APBB2: variants seen among roughly 807,000 people sequenced by gnomAD.
APBB2 encodes amyloid beta precursor protein binding family B member 2.
In APBB2, 38 loss-of-function variants were observed where a neutral mutation model predicts 82.5. The observed-to-expected ratio is 0.46, with a 90% confidence interval of 0.36 to 0.60. The LOEUF is 0.60. Among genes scored for constraint, APBB2 ranks in the 20% least tolerant of loss-of-function variants. The pLI, the probability that APBB2 is intolerant of heterozygous loss-of-function variation, is 0.00. For missense variants in APBB2, 772 were observed against 972.3 expected (o/e 0.79, Z 2.74); for synonymous variants, 341 against 368.2 (o/e 0.93, Z 0.85).
rs568453970 is a variant in APBB2, at chr4:41,042,098, C to G, written c.-50-8794G>C. Among the ~76,000 whole-genome samples, 11 of 152,266 alleles carry G rather than the reference C, an allele frequency of 7.2e-5. No individual in the cohort carries two copies. In the East Asian group the frequency reaches 2.1e-3, roughly 29 times the overall value. ...CTCCGCCTCCTGCATTCAACCGATT[C>G]TCCTGCCTCAGCCTCCTGAGTAGCT... On this transcript the variant is annotated intron_variant, in intron 4 of 17. Coordinates refer to ENST00000508593, the MANE Select transcript of APBB2 (RefSeq NM_004307.2).
intron 4 of APBB2, among the ~76,000 whole-genome samples, chr4:41,057,398 C>T (rs894917391): frequency 6.6e-6 from 1 of 152,188 alleles, no homozygotes; most frequent in Admixed American, 6.5e-5. Context: ...TTACAGTGAG[C>T]CGAGATAGCG....
intron 6 of APBB2, among the ~76,000 whole-genome samples, chr4:40,986,384 A>G (rs565575101): frequency 1.8e-4 from 28 of 152,352 alleles, no homozygotes; most frequent in African/African-American, 6.5e-4. Context: ...CATGACTCCA[A>G]AACAGCTTCC....
chr4:41,130,220 GA>G (rs928901839), intron 2 of APBB2, among the ~76,000 whole-genome samples: 18 of 152,130 alleles, frequency 1.2e-4, no homozygotes, highest in Non-Finnish European at 2.5e-4. Context: ...GAACGAGAAG[GA>G]AAATTTCTAG....
intron 1 of APBB2, among the ~76,000 whole-genome samples, chr4:41,190,423 T>A (rs1174684974): frequency 6.6e-6 from 1 of 151,908 alleles, no homozygotes; most frequent in Non-Finnish European, 1.5e-5. Context: ...CTAATTTTTA[T>A]ATTTTTAGTA....
chr4:41,146,504 GAAAT>G (rs1460206276), intron 1 of APBB2, among the ~76,000 whole-genome samples: 1 of 152,000 alleles, frequency 6.6e-6, no homozygotes, highest in Non-Finnish European at 1.5e-5. Context: ...AGAAAAAAAA[GAAAT>G]AAAGAAAACA....
chr4:40,850,125 C>T (rs1421153575), intron 12 of APBB2, among the ~76,000 whole-genome samples: 2 of 152,144 alleles, frequency 1.3e-5, no homozygotes, highest in South Asian at 2.1e-4. Context: ...AAAACCACAA[C>T]GCCACTGCTG....
chr4:41,068,538 A>C (rs2153897382), intron 3 of APBB2, among the ~76,000 whole-genome samples: 1 of 152,308 alleles, frequency 6.6e-6, no homozygotes, highest in South Asian at 2.1e-4. Context: ...GTTTCTGGCA[A>C]GCAATCCCCC....
At chr4:40,873,332 TA>T (rs968782556) in intron 12 of APBB2, among the ~76,000 whole-genome samples, 3 of 152,226 alleles carry the variant, frequency 2.0e-5, no homozygotes, top group African/African-American at 7.2e-5. Flanking sequence ...ATCTTTTATT[TA>T]AAAAAAATTT....
chr4:40,961,225 T>C (rs1164637095), intron 6 of APBB2, among the ~76,000 whole-genome samples: 1 of 152,108 alleles, frequency 6.6e-6, no homozygotes, highest in Non-Finnish European at 1.5e-5. Flanking sequence ...TCATCCTATT[T>C]CATTCATCTC....
At chr4:40,998,978 T>C (rs1482285147) in intron 6 of APBB2, among the ~76,000 whole-genome samples, 1 of 152,102 alleles carries the variant, frequency 6.6e-6, no homozygotes, top group Non-Finnish European at 1.5e-5. Flanking sequence ...AGCTTAAAAC[T>C]TATAGTTTAT....
At chr4:40,829,985 C>T (rs1751319498) in intron 13 of APBB2, among the ~76,000 whole-genome samples, 1 of 152,226 alleles carries the variant, frequency 6.6e-6, no homozygotes, top group African/African-American at 2.4e-5. Flanking sequence ...CCCACATTCA[C>T]TCTCAGGTCA....
chr4:41,122,436 T>G (rs966395486), intron 2 of APBB2, among the ~76,000 whole-genome samples: 2 of 152,142 alleles, frequency 1.3e-5, no homozygotes, highest in African/African-American at 4.8e-5. Context: ...ACTAGCAGAT[T>G]AATTGTCCTG....
rs375561674 is a variant in APBB2 at position 41,013,620 on chromosome 4, G to C, written c.798C>G (p.Ser266=). The C allele has an allele frequency of 3.7e-5, 60 of 1,614,074 alleles. No individual in the cohort carries two copies. In the African/African-American group the frequency reaches 6.5e-4, roughly 18 times the overall value. Reference sequence around the variant, plus strand: ...GGGAGCTGGGTGAGGCACTGTCTTGGGACAACGTTGTCCAGCTGGACTCCT... The same window carrying C: ...GGGAGCTGGGTGAGGCACTGTCTTGCGACAACGTTGTCCAGCTGGACTCCT... The part of the protein sequence containing the change: ...SDEESSWTTL[S]QDSASPSSPD... Residue 266 remains serine (S), a synonymous_variant, in exon 6 of 18, where the codon TCC becomes TCG. Transcript: ENST00000508593.
chr4:41,026,830 T>TA (rs1407804799), intron 5 of APBB2, among the ~76,000 whole-genome samples: 1 of 152,232 alleles, frequency 6.6e-6, no homozygotes, highest in Non-Finnish European at 1.5e-5. Context: ...CCAATAGTCC[T>TA]ACAGATAGCT....
intron 6 of APBB2, among the ~76,000 whole-genome samples, chr4:40,989,465 T>C (rs1187136627): frequency 6.6e-6 from 1 of 152,210 alleles, no homozygotes; most frequent in Non-Finnish European, 1.5e-5. Flanking sequence ...AATGTGCAGA[T>C]GAGCTTAGAG....
rs143116709 is a variant in APBB2 at position 41,191,424 on chromosome 4, T to TC, written c.-417+22980dup. 4.2e-3 allele frequency among the ~76,000 whole-genome samples: 636 copies of TC among 152,250 alleles called. 2 individuals are homozygous for TC. The highest frequency in any genetic ancestry group is 0.014 in the African/African-American group (566 of 41,526). ...CTACGCATTCATTTATTTTTATTTC[T>TC]CCCCCAACCCTCCTTTAAAAATCCA... On this transcript the variant is annotated intron_variant, in intron 1 of 17. Transcript: ENST00000508593.
chr4:40,819,279 A>G (rs990558196), intron 17 of APBB2, among the ~76,000 whole-genome samples: 23 of 147,608 alleles, frequency 1.6e-4, no homozygotes, highest in Non-Finnish European at 3.0e-4. Flanking sequence ...TCCACCCCCA[A>G]GTTCAAGCCA....
chr4:40,932,297 A>C (rs1054642902), intron 10 of APBB2, among the ~76,000 whole-genome samples: 3 of 152,228 alleles, frequency 2.0e-5, no homozygotes, highest in African/African-American at 7.2e-5. Context: ...TCCTTACCAT[A>C]AAATTTATCT....
rs146386853 is a variant in APBB2, at chr4:41,065,863, C to A, written c.-148-190G>T. On this transcript the variant is annotated intron_variant, in intron 3 of 17. Coordinates refer to ENST00000508593, the MANE Select transcript of APBB2 (RefSeq NM_004307.2). ...TCACCGCAGGCAGGCCCAGGGCTTG[C>A]TGATGATTAGCATGCAGGCCCTGCA... 9.4e-3 allele frequency among the ~76,000 whole-genome samples: 1,424 copies of A among 151,834 alleles called. 15 individuals carry two copies. The highest frequency in any genetic ancestry group is 0.048 in the South Asian group (231 of 4,812).
Sources: allele counts gnomAD v4.1 joint callset (sites outside exome capture counted in the v4.1 genomes callset), GRCh38; gene constraint gnomAD v4.1.1; transcripts MANE v1.5; gene names NCBI Gene and HGNC (gene_info 2026-07-23, HGNC 2026-07-21).